Variants in NUSAP1 observed in about 807,000 individuals in gnomAD.
The protein encoded by NUSAP1 is nucleolar and spindle-associated protein 1.
Under a neutral mutation model 52.8 loss-of-function variants are expected in NUSAP1, and 32 were observed. That is an observed-to-expected ratio of 0.61 (90% confidence interval 0.46 to 0.81). The LOEUF is 0.81. Ranked by LOEUF, NUSAP1 falls within the 40% of genes least tolerant of loss-of-function variation. The pLI is 0.00. For missense variants in NUSAP1, 499 were observed against 522.3 expected (o/e 0.96, Z 0.43); for synonymous variants, 195 against 183.1 (o/e 1.06, Z -0.52).
intron 1 of NUSAP1, among the ~76,000 whole-genome samples, chr15:41,339,105 T>A (rs1041160214): frequency 5.3e-5 from 8 of 152,174 alleles, no homozygotes; most frequent in South Asian, 2.1e-4. Flanking sequence ...GAAATTTTTT[T>A]AAAAAGAAAA....
At chr15:41,366,833 C>A (rs1567067357) in intron 7 of NUSAP1, among the ~76,000 whole-genome samples, 1 of 152,144 alleles carries the variant, frequency 6.6e-6, no homozygotes, top group Non-Finnish European at 1.5e-5. Context: ...TTCTACACAT[C>A]TGTTAGGAAA....
chr15:41,374,178 G>C (rs74440033), intron 8 of NUSAP1, among the ~76,000 whole-genome samples: 1 of 152,056 alleles, frequency 6.6e-6, no homozygotes, highest in Non-Finnish European at 1.5e-5. Context: ...TATTCATGTA[G>C]ATTGTCTTAG....
intron 3 of NUSAP1, among the ~76,000 whole-genome samples, chr15:41,350,674 CTTA>C (rs966024845): frequency 2.6e-5 from 4 of 152,118 alleles, no homozygotes; most frequent in African/African-American, 9.7e-5. Flanking sequence ...AAATGCAGTA[CTTA>C]TTATTATTTA....
intron 6 of NUSAP1, among the ~76,000 whole-genome samples, chr15:41,359,963 CT>C (rs796686073): frequency 1.4e-3 from 202 of 145,224 alleles, no homozygotes; most frequent in Middle Eastern, 3.6e-3. Context: ...GTTTGTCAAA[CT>C]TTTTTTTTTT....
intron 2 of NUSAP1, among the ~76,000 whole-genome samples, chr15:41,346,038 T>G (rs531842157): frequency 1.3e-5 from 2 of 149,820 alleles, no homozygotes; most frequent in Admixed American, 1.3e-4. Flanking sequence ...CTTTTATTCT[T>G]TTTTTTTTTG....
At position 41,333,044 on chromosome 15, in the gene NUSAP1, C is replaced by T. The variant is rs761823007; in HGVS notation, c.87C>T (p.Asn29=). 118 of 1,609,246 alleles carry T rather than the reference C, an allele frequency of 7.3e-5. No individual in the cohort carries two copies. Among genetic ancestry groups the T allele is most frequent in the Middle Eastern group, 3.3e-4 (2 of 6,036 alleles). ...NLAKSLGLRA[N]LRATKLLKAL... ...CCAAGAGTCTGGGTCTCCGGGCCAACCTGAGGGTACGGCGCTGGCGGTGCG... is the reference window on the plus strand; with the variant it reads ...CCAAGAGTCTGGGTCTCCGGGCCAATCTGAGGGTACGGCGCTGGCGGTGCG... The change falls in exon 1 of 11, where the codon AAC becomes AAT. Residue 29 remains asparagine, a synonymous_variant. Coordinates refer to ENST00000559596, the MANE Select transcript of NUSAP1 (RefSeq NM_016359.5).
intron 4 of NUSAP1, among the ~76,000 whole-genome samples, chr15:41,355,196 C>T (rs947722875): frequency 2.0e-5 from 3 of 150,716 alleles, no homozygotes; most frequent in African/African-American, 7.3e-5. Flanking sequence ...TTTTTTGAGA[C>T]AGAGTCTCGC....
chr15:41,340,690 A>G (rs2048337504), intron 1 of NUSAP1, among the ~76,000 whole-genome samples: 1 of 152,218 alleles, frequency 6.6e-6, no homozygotes, highest in Non-Finnish European at 1.5e-5. Context: ...GAGTATTAGA[A>G]AAATCAAGAA....
intron 1 of NUSAP1, among the ~76,000 whole-genome samples, chr15:41,338,811 A>C (rs1003679691): frequency 2.5e-4 from 38 of 151,660 alleles, no homozygotes; most frequent in South Asian, 4.2e-4. Context: ...AAAAAAATAC[A>C]AAAATTAGCC....
chr15:41,369,296 A>T (rs2049558818), intron 7 of NUSAP1, among the ~76,000 whole-genome samples: 1 of 151,826 alleles, frequency 6.6e-6, no homozygotes, highest in Non-Finnish European at 1.5e-5. Flanking sequence ...TTAGAATTCT[A>T]TTTATTGAAT....
At chr15:41,346,889 A>G (rs1269185363) in intron 2 of NUSAP1, among the ~76,000 whole-genome samples, 1 of 151,252 alleles carries the variant, frequency 6.6e-6, no homozygotes, top group Admixed American at 6.6e-5. Context: ...ATACTGATGT[A>G]TGGCCAGGCA....
rs1181209511 is a variant in NUSAP1 at position 41,349,766 on chromosome 15, C to CTT, written c.306+541_306+542dup. ...CAGTCTTTTTTTTCTTTTTTCTTTTCTTTTTTTTTTTTTTTTTGAGACAGA... is the reference window on the plus strand; with the variant it reads ...CAGTCTTTTTTTTCTTTTTTCTTTTCTTTTTTTTTTTTTTTTTTTGAGACAGA... On this transcript the variant is annotated intron_variant, in intron 3 of 10. Transcript: ENST00000559596. Among the ~76,000 whole-genome samples the CTT allele has an allele frequency of 4.0e-3, 489 of 123,522 alleles. 6 individuals carry two copies. Among genetic ancestry groups the CTT allele is most frequent in the African/African-American group, 8.4e-3 (283 of 33,534 alleles). The allele number at this position is 123,522 out of a possible 152,430, so 81.0% of individuals were successfully genotyped here.
At chr15:41,342,040 TAG>T (rs1441770863) in intron 1 of NUSAP1, among the ~76,000 whole-genome samples, 2 of 152,200 alleles carry the variant, frequency 1.3e-5, no homozygotes, top group African/African-American at 2.4e-5. Context: ...TCTCAGCAAT[TAG>T]AGACATCACA....
At chr15:41,357,626 T>C (rs1253928024) in intron 5 of NUSAP1, among the ~76,000 whole-genome samples, 1 of 151,926 alleles carries the variant, frequency 6.6e-6, no homozygotes, top group East Asian at 2.0e-4. Flanking sequence ...GTATTTTTAG[T>C]AGAGATGGGG....
At chr15:41,354,269 G>A (rs1235345014) in intron 4 of NUSAP1, among the ~76,000 whole-genome samples, 2 of 152,132 alleles carry the variant, frequency 1.3e-5, no homozygotes, top group African/African-American at 4.8e-5. Context: ...CACTTTGGGA[G>A]GCCAAGGTGG....
At chr15:41,361,199 G>A (rs1165559066) in intron 6 of NUSAP1, among the ~76,000 whole-genome samples, 1 of 151,786 alleles carries the variant, frequency 6.6e-6, no homozygotes, top group Non-Finnish European at 1.5e-5. Flanking sequence ...TTTGAGACCA[G>A]CCTGACCAAC....
At chr15:41,349,568 G>A (rs919674585) in intron 3 of NUSAP1, among the ~76,000 whole-genome samples, 19 of 152,074 alleles carry the variant, frequency 1.2e-4, no homozygotes, top group Admixed American at 4.6e-4. Flanking sequence ...TTGTTTTTTC[G>A]TTTGTTTAAA....
intron 7 of NUSAP1, among the ~76,000 whole-genome samples, chr15:41,368,014 G>C (rs1417486671): frequency 1.3e-5 from 2 of 152,180 alleles, no homozygotes; most frequent in Admixed American, 1.3e-4. Flanking sequence ...TTTGAGTCCA[G>C]AAGTTTGAGG....
intron 5 of NUSAP1, among the ~76,000 whole-genome samples, chr15:41,356,765 G>C (rs1288814689): frequency 6.6e-6 from 1 of 152,142 alleles, no homozygotes; most frequent in Non-Finnish European, 1.5e-5. Context: ...AACAACTGAT[G>C]AATCAATGTA....
Sources: gnomAD v4.1 joint callset for allele counts (sites outside exome capture counted in the v4.1 genomes callset) on GRCh38, gnomAD v4.1.1 for gene constraint, MANE v1.5 for transcripts, NCBI Gene and HGNC (gene_info 2026-07-23, HGNC 2026-07-21) for gene names.